Variants in CKAP5 observed in about 807,000 individuals in gnomAD.
CKAP5 encodes cytoskeleton-associated protein 5.
CKAP5 carries 27 observed loss-of-function variants against 232.8 expected under a neutral mutation model. The ratio of observed to expected loss-of-function variants is 0.12; its 90% CI spans 0.09 to 0.16. The LOEUF (loss-of-function observed/expected upper bound fraction) is 0.16. CKAP5 is among the 10% of genes least tolerant of loss of function. The probability of loss-of-function intolerance (pLI) is 1.00; values close to 1 mark genes in which losing one functional copy is unlikely to be tolerated. For synonymous variants in CKAP5, 785 were observed against 841.1 expected (o/e 0.93, Z 1.16); for missense variants, 1,838 against 2,424.7 (o/e 0.76, Z 5.08).
chr11:46,806,991 CT>C (rs1396459104), intron 8 of CKAP5, among the ~76,000 whole-genome samples: 1 of 152,128 alleles, frequency 6.6e-6, no homozygotes, highest in Non-Finnish European at 1.5e-5. Flanking sequence ...AAAATGGCCC[CT>C]AAGTGTAGTG....
Position 46,769,986 on chromosome 11 carries a change from G to A in CKAP5, c.3299C>T (p.Pro1100Leu). Residue 1100 changes from proline to leucine, a missense_variant, in exon 26 of 44, where the codon CCA (proline) becomes CTA (leucine). Pro to Leu is a moderately conservative substitution (Grantham distance 98). Transcript: ENST00000529230. ...ACCTGATGCAGGCTGGAATTTGGCT[G>A]GAGCGGACCCTCCCATTGGTTTAGA... ...ATSKPMGGSAPAKFQPASAPA... is the reference protein window; with the variant it reads ...ATSKPMGGSALAKFQPASAPA... 2 of 1,614,150 alleles carry A rather than the reference G, an allele frequency of 1.2e-6. No individual in the cohort carries two copies. Among genetic ancestry groups the A allele is most frequent in the South Asian group, 1.1e-5 (1 of 91,076 alleles).
At chr11:46,829,813 A>G (rs1416314489) in intron 1 of CKAP5, among the ~76,000 whole-genome samples, 1 of 150,546 alleles carries the variant, frequency 6.6e-6, no homozygotes, top group Non-Finnish European at 1.5e-5. Flanking sequence ...GCAAGACAGT[A>G]TATGAAGTCT....
chr11:46,821,793 C>A (rs1167957370), intron 1 of CKAP5, among the ~76,000 whole-genome samples: 1 of 151,950 alleles, frequency 6.6e-6, no homozygotes, highest in Non-Finnish European at 1.5e-5. Context: ...AATCTCAGCA[C>A]TTTGGGAGGC....
chr11:46,789,283 C>T (rs892480636), intron 15 of CKAP5, among the ~76,000 whole-genome samples: 1 of 152,172 alleles, frequency 6.6e-6, no homozygotes, highest in African/African-American at 2.4e-5. Context: ...TTCTCCTTAC[C>T]GTTCCTCATT....
chr11:46,816,485 A>G, intron 3 of CKAP5, 81 bp from the exon 4 acceptor site: 1 of 964,844 alleles, frequency 1.0e-6, no homozygotes, highest in South Asian at 1.4e-5. Context: ...GTGTACTAGT[A>G]CTTTTACAAA....
chr11:46,822,609 G>C (rs2134693362), intron 1 of CKAP5, among the ~76,000 whole-genome samples: 1 of 151,714 alleles, frequency 6.6e-6, no homozygotes, highest in South Asian at 2.1e-4. Flanking sequence ...AAATTAGCCG[G>C]GCTTGGTGGC....
At chr11:46,813,044 T>C (rs1453520864) in intron 4 of CKAP5, among the ~76,000 whole-genome samples, 1 of 152,050 alleles carries the variant, frequency 6.6e-6, no homozygotes, top group Non-Finnish European at 1.5e-5. Flanking sequence ...CCTCACCCCC[T>C]GGGCTCAAGT....
At chr11:46,765,030 A>T in intron 28 of CKAP5, 101 bp downstream of exon 28, 1 of 1,084,312 alleles carries the variant, frequency 9.2e-7, no homozygotes, top group Non-Finnish European at 1.3e-6. Flanking sequence ...AGAAACACTT[A>T]ATTCCTAGAT....
chr11:46,814,930 C>T (rs927333639), intron 4 of CKAP5, among the ~76,000 whole-genome samples: 1 of 152,164 alleles, frequency 6.6e-6, no homozygotes, highest in African/African-American at 2.4e-5. Context: ...CTTCGAAAGT[C>T]TATACTTAAG....
At chr11:46,791,414 C>G (rs936572260) in intron 13 of CKAP5, among the ~76,000 whole-genome samples, 7 of 151,950 alleles carry the variant, frequency 4.6e-5, no homozygotes, top group African/African-American at 1.7e-4. Flanking sequence ...CACAGTAGTT[C>G]ACACCTGTAA....
intron 27 of CKAP5, 124 bp from the exon 28 acceptor site, chr11:46,765,380 A>T: frequency 1.2e-6 from 1 of 827,816 alleles, no homozygotes; most frequent in South Asian, 2.9e-5. Flanking sequence ...ATTTCACATG[A>T]AAAAAACATG....
intron 1 of CKAP5, among the ~76,000 whole-genome samples, chr11:46,845,931 C>A (rs1399549196): frequency 1.3e-5 from 2 of 151,774 alleles, no homozygotes; most frequent in Non-Finnish European, 2.9e-5. Context: ...CGGCCCTGCA[C>A]CGCCCGCGCC....
intron 35 of CKAP5, among the ~76,000 whole-genome samples, chr11:46,757,641 A>T (rs1188318473): frequency 6.6e-6 from 1 of 151,904 alleles, no homozygotes; most frequent in Non-Finnish European, 1.5e-5. Flanking sequence ...AGGCTGGGGT[A>T]CACTGGCACG....
intron 42 of CKAP5, among the ~76,000 whole-genome samples, chr11:46,746,637 A>G (rs1428092117): frequency 6.6e-6 from 1 of 152,228 alleles, no homozygotes; most frequent in Non-Finnish European, 1.5e-5. Flanking sequence ...GATAAATGGT[A>G]CACCTGTATA....
chr11:46,781,078 T>C (rs1470865438), intron 18 of CKAP5, among the ~76,000 whole-genome samples: 1 of 152,198 alleles, frequency 6.6e-6, no homozygotes, highest in Non-Finnish European at 1.5e-5. Context: ...TTTGTATGCC[T>C]GGAAGACAGC....
chr11:46,825,569 CA>C (rs1199481762), intron 1 of CKAP5, among the ~76,000 whole-genome samples: 1 of 152,138 alleles, frequency 6.6e-6, no homozygotes, highest in Non-Finnish European at 1.5e-5. Context: ...TCTTGACCTA[CA>C]AAAGCTCTTC....
Position 46,763,132 on chromosome 11 carries a change from G to C in CKAP5, c.3735C>G (p.Ile1245Met). The change falls in exon 30 of 44, where the codon ATC becomes ATG. Residue 1245 changes from isoleucine to methionine, a missense_variant. Coordinates refer to ENST00000529230, the MANE Select transcript of CKAP5 (RefSeq NM_001008938.4). ...KEGVIGCLDL[I>M]LKWLTLRFFD... ...AAAACCTCAGGGTAAGCCACTTTAAGATAAGATCCAGGCAACCAATAACTC... is the reference window on the plus strand; with the variant it reads ...AAAACCTCAGGGTAAGCCACTTTAACATAAGATCCAGGCAACCAATAACTC... 1 of 1,613,938 alleles carries C rather than the reference G, an allele frequency of 6.2e-7. No individual in the cohort carries two copies. The highest frequency in any genetic ancestry group is 1.1e-5 in the South Asian group (1 of 91,066).
intron 8 of CKAP5, among the ~76,000 whole-genome samples, chr11:46,805,991 A>T (rs1283293588): frequency 6.6e-6 from 1 of 152,244 alleles, no homozygotes; most frequent in Non-Finnish European, 1.5e-5. Flanking sequence ...AGGCAAAAAG[A>T]AAAGAAAATG....
intron 42 of CKAP5, among the ~76,000 whole-genome samples, chr11:46,746,410 TATC>T (rs748793152): frequency 2.6e-5 from 4 of 152,304 alleles, no homozygotes; most frequent in East Asian, 3.9e-4. Context: ...ATTTAACAAA[TATC>T]ATCATGTGTG....
Sources: allele counts gnomAD v4.1 joint callset (sites outside exome capture counted in the v4.1 genomes callset), GRCh38; gene constraint gnomAD v4.1.1; transcripts MANE v1.5; gene names NCBI Gene and HGNC (gene_info 2026-07-23, HGNC 2026-07-21).